The following NRXN3 variants were observed in gnomAD, a reference collection of about 807,000 sequenced individuals.
NRXN3 encodes the protein neurexin III.
NRXN3 carries 32 observed loss-of-function variants against 137.6 expected under a neutral mutation model. The ratio of observed to expected loss-of-function variants is 0.23; its 90% CI spans 0.18 to 0.31. The LOEUF is 0.31. Among genes scored for constraint, NRXN3 ranks in the 10% least tolerant of loss-of-function variants. NRXN3 has a pLI of 1.00. For synonymous variants in NRXN3, 798 were observed against 784.5 expected (o/e 1.02, Z -0.29); for missense variants, 1,574 against 2,062.5 (o/e 0.76, Z 4.59).
chr14:78,442,265 A>AC (rs1042726296), intron 4 of NRXN3, among the ~76,000 whole-genome samples: 4 of 118,008 alleles, frequency 3.4e-5, no homozygotes, highest in Non-Finnish European at 6.8e-5. Flanking sequence ...AGACCCTGTC[A>AC]CCCCCCAGAA....
In NRXN3 at chr14:78,709,277, A is replaced by C; in HGVS notation, c.1282A>C (p.Thr428Pro). 1 of 1,614,144 alleles carries C rather than the reference A, an allele frequency of 6.2e-7. No individual in the cohort carries two copies. The highest frequency in any genetic ancestry group is 2.2e-5 in the East Asian group (1 of 44,878). The stretch of plus-strand genomic sequence containing the variant: ...GTCTCGCCTGGCCCGGATTGCGGAC[A>C]CCAAGATGAAAATCTATGGCGAAGT... ...ELSRLARIADTKMKIYGEVVF... is the reference protein window; with the variant it reads ...ELSRLARIADPKMKIYGEVVF... The change falls in exon 7 of 21, where the codon ACC becomes CCC. Residue 428 changes from threonine to proline, a missense_variant. Thr to Pro is a conservative substitution (Grantham distance 38). This residue lies in a region of NRXN3 where 718 missense variants were observed against 887.6 expected (regional missense o/e 0.81). Transcript: ENST00000335750.
At chr14:79,303,952 A>G (rs1054886847) in intron 15 of NRXN3, among the ~76,000 whole-genome samples, 8 of 152,076 alleles carry the variant, frequency 5.3e-5, no homozygotes, top group Admixed American at 3.3e-4. Flanking sequence ...CAGTAGTGGC[A>G]TCAGCAGCAA....
rs573624230 is a variant in NRXN3, at chr14:78,715,280, G to T, written c.2044+141G>T. The T allele has an allele frequency of 2.2e-5, 24 of 1,072,100 alleles. 1 individual carries two copies. In the Admixed American group the frequency reaches 3.8e-4, roughly 17 times the overall value. 66.4% of individuals were successfully genotyped at this position (1,072,100 alleles called of 1,614,324 possible). A position where few individuals can be genotyped will look rare whatever the true frequency, so the allele number is the denominator to read the frequency against. On this transcript the variant is annotated intron_variant, in intron 8 of 20. Transcript: ENST00000335750. ...TTTTGGGTTTACTGATTTCCAGATT[G>T]CACCCTTTCTAGTTCTGAATGCTTG...
intron 4 of NRXN3, among the ~76,000 whole-genome samples, chr14:78,498,437 G>C (rs1366652822): frequency 1.3e-5 from 2 of 152,198 alleles, no homozygotes; most frequent in African/African-American, 4.8e-5. Flanking sequence ...AGACAGGTGG[G>C]ATCCCAGTAG....
chr14:78,297,730 A>G (rs753011505), intron 3 of NRXN3, 101 bp from the exon 4 acceptor site: 2 of 909,244 alleles, frequency 2.2e-6, no homozygotes. Flanking sequence ...CCACTCAAGG[A>G]TTAAGATTGT....
rs142672106 is a variant in NRXN3 at position 78,817,811 on chromosome 14, C to T, written c.2275+7467C>T. On this transcript the variant is annotated intron_variant, in intron 10 of 20. Transcript: ENST00000335750. ...TAATCTATTTATGAGGGATTCACCC[C>T]GTGACTCAAACGCCTCCCACTGAGC... Among the ~76,000 whole-genome samples, 207 of 152,044 alleles carry T rather than the reference C, an allele frequency of 1.4e-3. 2 individuals carry two copies. Among genetic ancestry groups the T allele is most frequent in the Admixed American group, 3.5e-3 (54 of 15,266 alleles).
chr14:79,258,502 G>A (rs1223204830), intron 15 of NRXN3, among the ~76,000 whole-genome samples: 2 of 152,096 alleles, frequency 1.3e-5, no homozygotes, highest in African/African-American at 2.4e-5. Flanking sequence ...ACCACACCTG[G>A]CCCATTCCTT....
chr14:78,581,307 C>T (rs79759520), intron 4 of NRXN3, among the ~76,000 whole-genome samples: 2,050 of 152,286 alleles, frequency 0.013, 40 homozygotes, highest in African/African-American at 0.047. Flanking sequence ...TTCTCACAGT[C>T]CTGGAGTCTG....
At chr14:78,857,745 T>A (rs2099061473) in intron 10 of NRXN3, among the ~76,000 whole-genome samples, 1 of 152,046 alleles carries the variant, frequency 6.6e-6, no homozygotes, top group East Asian at 1.9e-4. Flanking sequence ...GAAGGAGCTA[T>A]AAATAGGGAA....
intron 6 of NRXN3, among the ~76,000 whole-genome samples, chr14:78,662,940 G>A (rs1476884932): frequency 6.6e-6 from 1 of 152,186 alleles, no homozygotes; most frequent in Non-Finnish European, 1.5e-5. Context: ...ATAAAGACTA[G>A]CAATTATTGA....
chr14:79,331,065 C>T (rs1157962293), intron 15 of NRXN3, among the ~76,000 whole-genome samples: 5 of 152,140 alleles, frequency 3.3e-5, no homozygotes, highest in African/African-American at 4.8e-5. Context: ...TGACTGTTTC[C>T]TTTACAGATG....
At chr14:78,254,033 C>T (rs779217964) in intron 2 of NRXN3, among the ~76,000 whole-genome samples, 8 of 152,132 alleles carry the variant, frequency 5.3e-5, no homozygotes, top group African/African-American at 7.2e-5. Flanking sequence ...AATGATGCTT[C>T]GCAGGAATTA....
intron 19 of NRXN3, among the ~76,000 whole-genome samples, chr14:79,803,721 G>T (rs1035617220): frequency 1.3e-5 from 2 of 151,818 alleles, no homozygotes; most frequent in Non-Finnish European, 2.9e-5. Flanking sequence ...CACAAACACA[G>T]AATTTGACTA....
intron 16 of NRXN3, among the ~76,000 whole-genome samples, chr14:79,484,502 G>T (rs1038667190): frequency 6.6e-6 from 1 of 152,010 alleles, no homozygotes; most frequent in Non-Finnish European, 1.5e-5. Flanking sequence ...AACTCTACTG[G>T]GCCAGTGTTA....
intron 4 of NRXN3, among the ~76,000 whole-genome samples, chr14:78,548,983 A>T (rs1436738884): frequency 6.6e-6 from 1 of 152,114 alleles, no homozygotes; most frequent in African/African-American, 2.4e-5. Flanking sequence ...CCCCAACGAA[A>T]TCAGAAGAGG....
intron 15 of NRXN3, among the ~76,000 whole-genome samples, chr14:79,440,623 T>C (rs1264530480): frequency 6.6e-6 from 1 of 152,174 alleles, no homozygotes; most frequent in Admixed American, 6.5e-5. Context: ...ACTCTAGAAC[T>C]TCACCCAGTG....
intron 15 of NRXN3, among the ~76,000 whole-genome samples, chr14:79,296,986 T>G (rs2153470200): frequency 6.6e-6 from 1 of 152,340 alleles, no homozygotes; most frequent in Middle Eastern, 3.4e-3. Flanking sequence ...CGCCCTGGCC[T>G]TCTCCCAACC....
chr14:79,213,387 C>T (rs1889496664), intron 15 of NRXN3, among the ~76,000 whole-genome samples: 1 of 152,064 alleles, frequency 6.6e-6, no homozygotes, highest in Non-Finnish European at 1.5e-5. Flanking sequence ...TTTAATTTGT[C>T]ATGCTCATGA....
chr14:78,206,136 T>C (rs1438127765), intron 1 of NRXN3, among the ~76,000 whole-genome samples: 2 of 152,180 alleles, frequency 1.3e-5, no homozygotes, highest in Non-Finnish European at 2.9e-5. Context: ...AAAGTGGAGA[T>C]GCCCTGTCTT....
Sources: allele counts gnomAD v4.1 joint callset (sites outside exome capture counted in the v4.1 genomes callset), GRCh38; gene constraint gnomAD v4.1.1; regional missense constraint gnomAD v4.1.1; transcripts MANE v1.5; gene names NCBI Gene and HGNC (gene_info 2026-07-23, HGNC 2026-07-21).